The following PTPN4 variants were observed in gnomAD, a reference collection of about 807,000 sequenced individuals.
The protein encoded by PTPN4 is protein tyrosine phosphatase non-receptor type 4.
Under a neutral mutation model 135.5 loss-of-function variants are expected in PTPN4, and 49 were observed. The ratio of observed to expected loss-of-function variants is 0.36; its 90% CI spans 0.29 to 0.46. PTPN4 has a LOEUF of 0.46. PTPN4 is among the 20% of genes least tolerant of loss of function. The pLI is 1.00. For synonymous variants in PTPN4, 333 were observed against 369.9 expected (o/e 0.90, Z 1.14); for missense variants, 860 against 1,101.0 (o/e 0.78, Z 3.10).
intron 2 of PTPN4, among the ~76,000 whole-genome samples, chr2:119,843,091 G>A (rs568879445): frequency 6.6e-6 from 1 of 152,116 alleles, no homozygotes; most frequent in East Asian, 1.9e-4. Context: ...ATGATCATGT[G>A]ACTTTTCATT....
At chr2:119,964,890 T>G (rs1679424240) in intron 24 of PTPN4, among the ~76,000 whole-genome samples, 1 of 152,216 alleles carries the variant, frequency 6.6e-6, no homozygotes, top group Admixed American at 6.5e-5. Flanking sequence ...AGGTTCATAT[T>G]CCTGCTGTGC....
intron 2 of PTPN4, among the ~76,000 whole-genome samples, chr2:119,835,965 A>T (rs1677285874): frequency 1.3e-5 from 2 of 151,912 alleles, no homozygotes; most frequent in Admixed American, 1.3e-4. Flanking sequence ...GCTACTTGGG[A>T]GGCTGAGGCA....
intron 1 of PTPN4, among the ~76,000 whole-genome samples, chr2:119,803,144 C>T (rs751176769): frequency 4.6e-5 from 7 of 151,928 alleles, no homozygotes; most frequent in Non-Finnish European, 1.0e-4. Context: ...GCTTTTTTCC[C>T]CTATTGATTT....
At chr2:119,829,083 G>T (rs1015097035) in intron 2 of PTPN4, among the ~76,000 whole-genome samples, 3 of 152,086 alleles carry the variant, frequency 2.0e-5, no homozygotes, top group African/African-American at 7.2e-5. Context: ...TGACCATTTA[G>T]GTTTCCAATT....
intron 2 of PTPN4, among the ~76,000 whole-genome samples, chr2:119,861,989 A>ATT (rs57947217): frequency 0.43 from 65,558 of 151,822 alleles, 15,976 homozygotes; most frequent in African/African-American, 0.67. Context: ...TTATGGCATT[A>ATT]TAATACAAAA....
chr2:119,912,750 TTAAAG>T (rs1678592793), intron 10 of PTPN4, among the ~76,000 whole-genome samples: 1 of 152,208 alleles, frequency 6.6e-6, no homozygotes, highest in African/African-American at 2.4e-5. Context: ...AATTTGCCTA[TTAAAG>T]TATACAGTTT....
chr2:119,848,394 C>T (rs1010919301), intron 2 of PTPN4, among the ~76,000 whole-genome samples: 4 of 152,148 alleles, frequency 2.6e-5, no homozygotes, highest in South Asian at 4.1e-4. Flanking sequence ...AGGATGGTCT[C>T]AATCTCCTGA....
intron 2 of PTPN4, among the ~76,000 whole-genome samples, chr2:119,821,545 A>G (rs1558735949): frequency 1.3e-5 from 2 of 152,060 alleles, no homozygotes; most frequent in Non-Finnish European, 1.5e-5. Context: ...TAAACTTCAG[A>G]GCATGTAGTT....
chr2:119,937,449 C>CT (rs1441494213), intron 15 of PTPN4, among the ~76,000 whole-genome samples: 2 of 151,956 alleles, frequency 1.3e-5, no homozygotes, highest in Non-Finnish European at 2.9e-5. Flanking sequence ...CATTTATAGG[C>CT]TAAGGATAAA....
intron 22 of PTPN4, among the ~76,000 whole-genome samples, chr2:119,957,375 A>G (rs1574421066): frequency 1.3e-5 from 2 of 152,268 alleles, no homozygotes; most frequent in East Asian, 1.9e-4. Context: ...GGTTGGGTCA[A>G]CTGTCTAGAA....
intron 16 of PTPN4, among the ~76,000 whole-genome samples, chr2:119,945,454 A>C (rs190650802): frequency 8.0e-4 from 122 of 152,228 alleles, no homozygotes; most frequent in African/African-American, 2.9e-3. Context: ...ATATAATTAA[A>C]TAAGCTGTGG....
At chr2:119,897,863 C>T (rs72971015) in intron 9 of PTPN4, among the ~76,000 whole-genome samples, 3,915 of 152,150 alleles carry the variant, frequency 0.026, 165 homozygotes, top group African/African-American at 0.087. Context: ...AATCAAATAA[C>T]GTATTTGATA....
intron 26 of PTPN4, among the ~76,000 whole-genome samples, chr2:119,973,248 AAATTCATGT>A (rs1369018186): frequency 6.6e-6 from 1 of 152,162 alleles, no homozygotes; most frequent in Non-Finnish European, 1.5e-5. Context: ...TTACGTAAGT[AAATTCATGT>A]ATTTGTCTTT....
intron 12 of PTPN4, among the ~76,000 whole-genome samples, chr2:119,924,716 A>T (rs1306121983): frequency 1.5e-4 from 10 of 68,296 alleles, no homozygotes; most frequent in East Asian, 2.8e-4. Flanking sequence ...CATTAATTTT[A>T]AAAAAAATTG....
intron 3 of PTPN4, among the ~76,000 whole-genome samples, chr2:119,864,710 A>G (rs183876773): frequency 2.0e-4 from 30 of 152,300 alleles, no homozygotes; most frequent in Middle Eastern, 3.4e-3. Context: ...ATACAAAAAG[A>G]CATATCATAT....
intron 12 of PTPN4, among the ~76,000 whole-genome samples, chr2:119,923,840 A>G (rs1283874670): frequency 6.6e-6 from 1 of 152,146 alleles, no homozygotes; most frequent in African/African-American, 2.4e-5. Context: ...TAAGTAATAT[A>G]ACTTTAAAAA....
At chr2:119,894,056 A>G (rs566366203) in intron 9 of PTPN4, among the ~76,000 whole-genome samples, 1 of 152,300 alleles carries the variant, frequency 6.6e-6, no homozygotes, top group African/African-American at 2.4e-5. Flanking sequence ...TAATCCTTAC[A>G]ACAGCCTTGT....
chr2:119,894,513 ACTCCAT>A (rs1678289218), intron 9 of PTPN4, among the ~76,000 whole-genome samples: 1 of 152,142 alleles, frequency 6.6e-6, no homozygotes, highest in South Asian at 2.1e-4. Flanking sequence ...GCATTCTCAT[ACTCCAT>A]TAGGCCTATA....
chr2:119,830,399 C>G (rs542060580), intron 2 of PTPN4, among the ~76,000 whole-genome samples: 1 of 152,206 alleles, frequency 6.6e-6, no homozygotes, highest in Admixed American at 6.5e-5. Flanking sequence ...TCATGAATGG[C>G]TTAGCACCAT....
Sources: allele counts gnomAD v4.1 joint callset (sites outside exome capture counted in the v4.1 genomes callset), GRCh38; gene constraint gnomAD v4.1.1; transcripts MANE v1.5; gene names NCBI Gene and HGNC (gene_info 2026-07-23, HGNC 2026-07-21).